XRCC5: variants seen among roughly 807,000 people sequenced by gnomAD.
The protein encoded by XRCC5 is X-ray repair cross complementing 5, also known as DNA repair protein Ku80.
XRCC5 carries 12 observed loss-of-function variants against 95.7 expected under a neutral mutation model. The ratio of observed to expected loss-of-function variants is 0.13; its 90% CI spans 0.08 to 0.20. XRCC5 has a LOEUF of 0.20. Among genes scored for constraint, XRCC5 ranks in the 10% least tolerant of loss-of-function variants. The pLI, the probability that XRCC5 is intolerant of heterozygous loss-of-function variation, is 1.00. For missense variants in XRCC5, 595 were observed against 873.9 expected (o/e 0.68, Z 4.02); for synonymous variants, 281 against 290.3 (o/e 0.97, Z 0.33).
intron 6 of XRCC5, among the ~76,000 whole-genome samples, chr2:216,125,116 T>C (rs933835512): frequency 6.6e-6 from 1 of 152,172 alleles, no homozygotes; most frequent in Non-Finnish European, 1.5e-5. Context: ...TAATGAATTA[T>C]AGAGTTGTAA....
At chr2:216,120,036 G>C (rs909136287) in intron 5 of XRCC5, among the ~76,000 whole-genome samples, 1 of 152,154 alleles carries the variant, frequency 6.6e-6, no homozygotes, top group African/African-American at 2.4e-5. Flanking sequence ...TGCCTGCCTG[G>C]GGGTATTAAG....
chr2:216,167,237 C>T (rs41301730), intron 16 of XRCC5, among the ~76,000 whole-genome samples: 6,668 of 152,178 alleles, frequency 0.044, 495 homozygotes, highest in African/African-American at 0.15. Flanking sequence ...GTTTGGATTA[C>T]GTCTCATCCT....
At chr2:216,168,194 A>G (rs913726413) in intron 16 of XRCC5, among the ~76,000 whole-genome samples, 4 of 152,200 alleles carry the variant, frequency 2.6e-5, no homozygotes, top group African/African-American at 7.2e-5. Context: ...ATGTGGGCGG[A>G]CTGAGGCCCA....
chr2:216,166,359 C>T (rs1029925113), intron 16 of XRCC5, among the ~76,000 whole-genome samples: 25 of 152,230 alleles, frequency 1.6e-4, no homozygotes, highest in African/African-American at 6.0e-4. Flanking sequence ...TGAGTTCAAG[C>T]GATCTGCCTG....
At chr2:216,181,394 A>G (rs1053538390) in intron 16 of XRCC5, among the ~76,000 whole-genome samples, 6 of 152,048 alleles carry the variant, frequency 3.9e-5, no homozygotes, top group African/African-American at 1.4e-4. Flanking sequence ...TCAGTCCCCC[A>G]TTCAAGGCTT....
At chr2:216,114,820 G>A (rs1179171052) in intron 2 of XRCC5, among the ~76,000 whole-genome samples, 1 of 152,174 alleles carries the variant, frequency 6.6e-6, no homozygotes, top group African/African-American at 2.4e-5. Context: ...GCTGCCTCTG[G>A]GGGCGCTCGA....
chr2:216,192,797 C>T lies in XRCC5; in HGVS notation c.2041+62C>T, dbSNP rs1393384731. On this transcript the variant is annotated intron_variant, in intron 18 of 20. Coordinates refer to ENST00000392132, the MANE Select transcript of XRCC5 (RefSeq NM_021141.4). ...TTTAAAATACTTATGCTATTTTATT[C>T]TAAATATACATATAAATTCTAAATA... 6 of 1,079,800 alleles carry T rather than the reference C, an allele frequency of 5.6e-6. No individual in the cohort carries two copies. The African/African-American group carries it at 9.8e-5, about 18-fold the overall frequency. 66.9% of individuals were successfully genotyped at this position (1,079,800 alleles called of 1,614,324 possible).
Position 216,160,073 on chromosome 2 carries a change from A to C in XRCC5, c.1676A>C (p.Glu559Ala), listed in dbSNP as rs755647850. Reference sequence around the variant, plus strand: ...ATTTTTTTTTTCTTTTCTAGCCATGAAGATGGACCTACAGCTAAAAAATTA... The same window carrying C: ...ATTTTTTTTTTCTTTTCTAGCCATGCAGATGGACCTACAGCTAAAAAATTA... Reference protein sequence around the residue: ...TAQEIFQDNHEDGPTAKKLKT... With the variant: ...TAQEIFQDNHADGPTAKKLKT... The change falls in exon 15 of 21, where the codon GAA (glutamate) becomes GCA (alanine). Residue 559 changes from glutamate (E) to alanine (A), a missense_variant. Physicochemically the swap from Glu to Ala is moderately radical, Grantham distance 107 (BLOSUM62 -1). Around this residue, in one of 2 missense-constraint regions of XRCC5, gnomAD observed 309 missense variants for 382.9 expected, o/e 0.81. Coordinates refer to ENST00000392132, the MANE Select transcript of XRCC5 (RefSeq NM_021141.4). The C allele has an allele frequency of 1.3e-6, 2 of 1,583,778 alleles. No homozygotes were observed. The highest frequency in any genetic ancestry group is 8.6e-7 in the Non-Finnish European group (1 of 1,165,340).
chr2:216,193,294 C>T (rs2106048930), intron 18 of XRCC5, among the ~76,000 whole-genome samples: 1 of 152,288 alleles, frequency 6.6e-6, no homozygotes. Context: ...TTGATCTTTG[C>T]TTTTTTTCAT....
intron 2 of XRCC5, among the ~76,000 whole-genome samples, chr2:216,116,223 A>C (rs1696693000): frequency 6.6e-6 from 1 of 151,974 alleles, no homozygotes; most frequent in South Asian, 2.1e-4. Flanking sequence ...TCTAGGGTAT[A>C]CTGTATATGC....
intron 1 of XRCC5, chr2:216,111,384 C>T (rs888323357): frequency 2.2e-6 from 1 of 450,702 alleles, no homozygotes; most frequent in South Asian, 1.6e-5. Context: ...ATTAGCTGGG[C>T]ATGGTGGGGT....
chr2:216,160,856 A>G (rs563038506), intron 15 of XRCC5, among the ~76,000 whole-genome samples: 13 of 152,112 alleles, frequency 8.5e-5, no homozygotes, highest in Non-Finnish European at 1.6e-4. Context: ...TGTAGCTAGG[A>G]CTAAGGGTAC....
At chr2:216,152,513 G>A (rs1688762583) in intron 14 of XRCC5, among the ~76,000 whole-genome samples, 1 of 151,910 alleles carries the variant, frequency 6.6e-6, no homozygotes, top group South Asian at 2.1e-4. Flanking sequence ...CCGCAGTTTT[G>A]TGGCCCATCT....
At chr2:216,127,791 A>G (rs948068626) in intron 8 of XRCC5, 117 bp downstream of exon 8, 10 of 1,222,036 alleles carry the variant, frequency 8.2e-6, no homozygotes, top group Non-Finnish European at 1.1e-5. Context: ...TTATAGAAAT[A>G]TAACAGTTTG....
intron 5 of XRCC5, 23 bp downstream of exon 5, chr2:216,119,188 T>A (rs1696755534): frequency 6.2e-7 from 1 of 1,613,088 alleles, no homozygotes; most frequent in Non-Finnish European, 8.5e-7. Context: ...GAATAATGCA[T>A]GTAGACAAAT....
chr2:216,179,421 A>G (rs1689340231), intron 16 of XRCC5, among the ~76,000 whole-genome samples: 1 of 152,090 alleles, frequency 6.6e-6, no homozygotes, highest in South Asian at 2.1e-4. Flanking sequence ...AAGGACAGGA[A>G]TGTGGGGGCG....
At position 216,161,890 on chromosome 2, in the gene XRCC5, AC is replaced by A. The variant is rs1418040352; in HGVS notation, c.1765-88del. On this transcript the variant is annotated intron_variant, in intron 15 of 20. Transcript: ENST00000392132. ...CTTTGGTTTTATTTTATAAGAGCAC[AC>A]TTATTACATTAAGCCATCTTGTATT... 3.8e-6 allele frequency: 4 copies of A among 1,053,446 alleles called. No homozygotes were observed. In the African/African-American group the frequency reaches 4.8e-5, roughly 13 times the overall value. 65.3% of individuals were successfully genotyped at this position (1,053,446 alleles called of 1,614,324 possible). A position where few individuals can be genotyped will look rare whatever the true frequency, so the allele number is the denominator to read the frequency against.
intron 15 of XRCC5, among the ~76,000 whole-genome samples, chr2:216,160,403 G>A (rs111453322): frequency 6.6e-6 from 1 of 152,188 alleles, no homozygotes; most frequent in East Asian, 1.9e-4. Flanking sequence ...TTTATAGAAC[G>A]TGGAACATCT....
At chr2:216,134,373 C>G (rs1048754259) in intron 10 of XRCC5, among the ~76,000 whole-genome samples, 1 of 150,706 alleles carries the variant, frequency 6.6e-6, no homozygotes, top group African/African-American at 2.4e-5. Flanking sequence ...AGCTGTAGTA[C>G]TGTTTCACCA....
Sources: gnomAD v4.1 joint callset for allele counts (sites outside exome capture counted in the v4.1 genomes callset) on GRCh38, gnomAD v4.1.1 for gene constraint, gnomAD v4.1.1 regional missense constraint, MANE v1.5 for transcripts, NCBI Gene and HGNC (gene_info 2026-07-23, HGNC 2026-07-21) for gene names.